C9orf50: variants seen among roughly 807,000 people sequenced by gnomAD.
C9orf50 encodes the protein chromosome 9 open reading frame 50, also known as uncharacterized protein C9orf50.
In C9orf50, 33 loss-of-function variants were observed where a neutral mutation model predicts 42.5. That is an observed-to-expected ratio of 0.78 (90% CI 0.59 to 1.04). C9orf50 has a LOEUF of 1.04. C9orf50 is among the 50% of genes least tolerant of loss of function. C9orf50 has a pLI of 0.00. For missense variants in C9orf50, 547 were observed against 594.3 expected, an observed-to-expected ratio of 0.92 and a Z score of 0.83; for synonymous variants, 257 against 273.4, an observed-to-expected ratio of 0.94 and a Z score of 0.59.
chr9:129,619,242 G>C (rs181326070), intron 3 of C9orf50, among the ~76,000 whole-genome samples: 57 of 152,302 alleles, frequency 3.7e-4, no homozygotes, highest in Admixed American at 1.3e-4. Flanking sequence ...TGCAAAGATG[G>C]ATGGGTGAAT....
chr9:129,617,180 G>GT (rs1421031203), intron 3 of C9orf50, among the ~76,000 whole-genome samples: 1 of 152,232 alleles, frequency 6.6e-6, no homozygotes. Context: ...TATGCACATA[G>GT]TTATATGTCT....
In C9orf50 at chr9:129,613,247, T is replaced by G. The variant is rs1039289307; in HGVS notation, c.1048A>C (p.Thr350Pro). 3.7e-6 allele frequency: 6 copies of G among 1,606,394 alleles called. No individual in the cohort carries two copies. Among genetic ancestry groups the G allele is most frequent in the African/African-American group, 1.3e-5 (1 of 74,758 alleles). The stretch of plus-strand genomic sequence containing the variant: ...GAAAGGTAGCCCTGTGTCTTCTGGG[T>G]GGACCTGGGGGAGACAGGACCCCAT... The change falls in exon 6 of 7, where the codon ACC (threonine) becomes CCC (proline). Residue 350 changes from threonine (T) to proline (P), a missense_variant. Coordinates refer to ENST00000372478, the Ensembl canonical transcript of C9orf50. The surrounding 1 kb of genome is among the most constrained non-coding windows in gnomAD (Gnocchi z 6.2).
intron 3 of C9orf50, 103 bp from the exon 4 acceptor site, chr9:129,615,750 A>C (rs41278708): frequency 0.18 from 232,964 of 1,270,136 alleles, 23,505 homozygotes; most frequent in East Asian, 0.31. Context: ...AGTGCCCTAC[A>C]CTGGTCTTGA....
chr9:129,619,774 G>T (rs778056229), exon 2 of C9orf50: 7 of 1,614,060 alleles, frequency 4.3e-6, no homozygotes, highest in Non-Finnish European at 5.1e-6. Context: ...TTGGGACACC[G>T]CGGAGACCCT....
Position 129,613,258 on chromosome 9 carries a change from G to A in C9orf50, c.1044-7C>T, listed in dbSNP as rs758765155. ...CTGTGTCTTCTGGGTGGACCTGGGG[G>A]AGACAGGACCCCATGAGCTTCCTGG... On this transcript the variant is annotated splice_region_variant and splice_polypyrimidine_tract_variant and intron_variant, in intron 5 of 6. Coordinates refer to ENST00000372478, the Ensembl canonical transcript of C9orf50. This position sits in a 1 kb window ranked among gnomAD's most constrained non-coding sequence, Gnocchi z 6.2. 7 of 1,597,658 alleles carry A rather than the reference G, an allele frequency of 4.4e-6. No individual in the cohort carries two copies. Among genetic ancestry groups the A allele is most frequent in the Non-Finnish European group, 2.6e-6 (3 of 1,170,084 alleles).
chr9:129,619,733 C>G lies in C9orf50; in HGVS notation c.599+7G>C. The G allele has an allele frequency of 1.2e-6, 2 of 1,613,960 alleles. No homozygotes were observed. Among genetic ancestry groups the G allele is most frequent in the South Asian group, 2.2e-5 (2 of 91,066 alleles). On this transcript the variant is annotated splice_region_variant and intron_variant, in intron 2 of 6. Transcript: ENST00000372478. ...CCGTCCCCACCAAGAAGCGGACTGA[C>G]GCTTACCACAGGTCTGGGAGGAATG... is the stretch of plus-strand genomic sequence containing the variant.
Position 129,620,053 on chromosome 9 carries a change from C to T in C9orf50, c.508+14G>A, listed in dbSNP as rs573286907. 490 of 1,454,270 alleles carry T rather than the reference C, an allele frequency of 3.4e-4. 1 individual carries two copies. Among genetic ancestry groups the T allele is most frequent in the Non-Finnish European group, 2.5e-4 (279 of 1,101,882 alleles). 90.1% of individuals were successfully genotyped at this position (1,454,270 alleles called of 1,614,324 possible). A position where few individuals can be genotyped will look rare whatever the true frequency, so the allele number is the denominator to read the frequency against. The stretch of plus-strand genomic sequence containing the variant: ...ATGACTCGGGCCCGCCCCCCGGGCC[C>T]CGCGGGGCCTCACTCAGTGGCTCCG... On this transcript the variant is annotated intron_variant, in intron 1 of 6. Coordinates refer to ENST00000372478, the Ensembl canonical transcript of C9orf50. The surrounding 1 kb of genome is among the most constrained non-coding windows in gnomAD (Gnocchi z 5.8).
chr9:129,618,009 C>G (rs1830479514), intron 3 of C9orf50, among the ~76,000 whole-genome samples: 1 of 152,180 alleles, frequency 6.6e-6, no homozygotes, highest in Non-Finnish European at 1.5e-5. Flanking sequence ...AGTTCCTACC[C>G]TGATCCATCA....
At chr9:129,618,778 C>T (rs1361367535) in intron 3 of C9orf50, among the ~76,000 whole-genome samples, 1 of 151,968 alleles carries the variant, frequency 6.6e-6, no homozygotes, top group Non-Finnish European at 1.5e-5. Context: ...CTGCAAGCTC[C>T]GCCTCCCGGG....
At chr9:129,621,434 G>A (rs542656132), upstream of C9orf50, among the ~76,000 whole-genome samples, 30 of 152,338 alleles carry the variant, frequency 2.0e-4, no homozygotes, top group East Asian at 5.8e-3. Flanking sequence ...ATAGCTCACT[G>A]CAGCCTCAAA....
rs1344207046 is a variant in C9orf50 at position 129,619,625 on chromosome 9, G to A, written c.611C>T (p.Ser204Leu). The A allele has an allele frequency of 1.9e-6, 3 of 1,613,996 alleles. No individual in the cohort carries two copies. In the Admixed American group the frequency reaches 5.0e-5, roughly 27 times the overall value. Residue 204 changes from serine to leucine, a missense_variant, in exon 3 of 7, where the codon TCG becomes TTG. Transcript: ENST00000372478. ...CTTCGTAAGACTATCCTGGAGGTGC[G>A]ATGACTGGCCCCTTAAAGACAAACA...
In C9orf50 at chr9:129,620,667, T is replaced by C; in HGVS notation, c.-93A>G. Reference sequence around the variant, plus strand: ...GAGGGCATAGTCCAGCCCCAGGCCATAGTGCCCCGGGCGGGGCAGCGCGGT... The same window carrying C: ...GAGGGCATAGTCCAGCCCCAGGCCACAGTGCCCCGGGCGGGGCAGCGCGGT... On this transcript the variant is annotated 5_prime_UTR_variant, in exon 1 of 7. The change abolishes an upstream ATG in the 5' untranslated region. Transcript: ENST00000372478. The surrounding 1 kb of genome is among the most constrained non-coding windows in gnomAD (Gnocchi z 5.8). The C allele has an allele frequency of 8.6e-7, 1 of 1,162,422 alleles. No homozygotes were observed. Among genetic ancestry groups the C allele is most frequent in the Middle Eastern group, 3.3e-4 (1 of 3,054 alleles). 72.0% of individuals were successfully genotyped at this position (1,162,422 alleles called of 1,614,324 possible). A position where few individuals can be genotyped will look rare whatever the true frequency, so the allele number is the denominator to read the frequency against.
intron 3 of C9orf50, among the ~76,000 whole-genome samples, chr9:129,617,083 A>C (rs2118874127): frequency 6.6e-6 from 1 of 152,326 alleles, no homozygotes; most frequent in East Asian, 1.9e-4. Flanking sequence ...AAGAAAAAAA[A>C]AATCAGCCTC....
chr9:129,616,966 C>T (rs991576176), intron 3 of C9orf50, among the ~76,000 whole-genome samples: 1 of 151,924 alleles, frequency 6.6e-6, no homozygotes, highest in Non-Finnish European at 1.5e-5. Context: ...TCCAGTTACT[C>T]GAGAGGTTGA....
At position 129,613,688 on chromosome 9, in the gene C9orf50, G is replaced by T; in HGVS notation, c.881-91C>A. ...TTCCTCCCTCTGGCAGGCAGGGCCG[G>T]TCAGAGCCCTGTCTCCATGGCAACC... is the stretch of plus-strand genomic sequence containing the variant. On this transcript the variant is annotated intron_variant, in intron 4 of 6. Coordinates refer to ENST00000372478, the Ensembl canonical transcript of C9orf50. This position sits in a 1 kb window ranked among gnomAD's most constrained non-coding sequence, Gnocchi z 6.2. The T allele has an allele frequency of 6.6e-7, 1 of 1,516,068 alleles. No individual in the cohort carries two copies. Among genetic ancestry groups the T allele is most frequent in the Non-Finnish European group, 9.0e-7 (1 of 1,113,364 alleles). The allele number at this position is 1,516,068 out of a possible 1,614,324, so 93.9% of individuals were successfully genotyped here. A position where few individuals can be genotyped will look rare whatever the true frequency, so the allele number is the denominator to read the frequency against.
At chr9:129,621,447 C>A (rs765916889), upstream of C9orf50, among the ~76,000 whole-genome samples, 6 of 152,214 alleles carry the variant, frequency 3.9e-5, no homozygotes, top group Non-Finnish European at 7.3e-5. Context: ...GCCTCAAATT[C>A]TTGGGCTCAA....
At chr9:129,621,809 C>A (rs1830730612), upstream of C9orf50, among the ~76,000 whole-genome samples, 1 of 152,154 alleles carries the variant, frequency 6.6e-6, no homozygotes, top group African/African-American at 2.4e-5. Flanking sequence ...GAGCTGACTC[C>A]TGGGCAGTGT....
chr9:129,621,565 T>C (rs945599670), upstream of C9orf50, among the ~76,000 whole-genome samples: 9 of 152,176 alleles, frequency 5.9e-5, no homozygotes, highest in Non-Finnish European at 1.3e-4. Flanking sequence ...TTTTTTTGTA[T>C]TTATGTTGCA....
At chr9:129,612,394 A>T in exon 7 of C9orf50, 1 of 1,613,152 alleles carries the variant, frequency 6.2e-7, no homozygotes, top group Non-Finnish European at 8.5e-7. Context: ...AGGAGATGGT[A>T]CCCCTTAGGG....
Sources: allele counts gnomAD v4.1 joint callset (sites outside exome capture counted in the v4.1 genomes callset), GRCh38; gene constraint gnomAD v4.1.1; non-coding constraint Gnocchi (gnomAD v3.1); transcripts MANE v1.5; gene names NCBI Gene and HGNC (gene_info 2026-07-23, HGNC 2026-07-21).